Variants in NBEA observed in about 807,000 individuals in gnomAD.
The protein encoded by NBEA is lysosomal-trafficking regulator 2.
Under a neutral mutation model 343.4 loss-of-function variants are expected in NBEA, and 44 were observed. The observed-to-expected ratio is 0.13, with a 90% confidence interval of 0.10 to 0.16. The LOEUF is 0.16. Ranked by LOEUF, NBEA falls within the 10% of genes least tolerant of loss-of-function variation. The pLI, the probability that NBEA is intolerant of heterozygous loss-of-function variation, is 1.00. For synonymous variants in NBEA, 1,175 were observed against 1,238.7 expected (o/e 0.95, Z 1.08); for missense variants, 2,555 against 3,631.3 (o/e 0.70, Z 7.62).
chr13:34,945,633 T>G (rs1566077514), intron 1 of NBEA, among the ~76,000 whole-genome samples: 1 of 152,146 alleles, frequency 6.6e-6, no homozygotes, highest in Non-Finnish European at 1.5e-5. Flanking sequence ...GTGAAATACC[T>G]ATTACTGTGC....
intron 18 of NBEA, among the ~76,000 whole-genome samples, chr13:35,143,493 G>A (rs2068210464): frequency 6.6e-6 from 1 of 151,736 alleles, no homozygotes; most frequent in Non-Finnish European, 1.5e-5. Flanking sequence ...TTTTGTTATA[G>A]ATTTAGATGG....
chr13:35,195,534 G>A (rs2072523821), intron 30 of NBEA, among the ~76,000 whole-genome samples: 1 of 152,020 alleles, frequency 6.6e-6, no homozygotes, highest in South Asian at 2.1e-4. Flanking sequence ...GAGTAGCTGG[G>A]ATTAGACGTA....
chr13:34,996,095 T>A (rs1375496956), intron 1 of NBEA, among the ~76,000 whole-genome samples: 1 of 152,202 alleles, frequency 6.6e-6, no homozygotes, highest in East Asian at 1.9e-4. Context: ...AATTGGGATC[T>A]AGGCCTATGT....
intron 30 of NBEA, chr13:35,185,150 A>G (rs1368735031): frequency 6.6e-6 from 1 of 152,174 alleles, no homozygotes; most frequent in African/African-American, 2.4e-5. Flanking sequence ...CTTATTGCTT[A>G]GATGGAGGAG....
intron 48 of NBEA, among the ~76,000 whole-genome samples, chr13:35,612,763 T>C (rs2082582710): frequency 6.6e-6 from 1 of 152,142 alleles, no homozygotes; most frequent in Admixed American, 6.5e-5. Flanking sequence ...TGGTATAAGC[T>C]AAACAAGCAA....
intron 11 of NBEA, among the ~76,000 whole-genome samples, chr13:35,098,732 A>G (rs537213649): frequency 1.3e-5 from 2 of 152,230 alleles, no homozygotes; most frequent in South Asian, 4.1e-4. Flanking sequence ...CCCATGGTCA[A>G]CTGCAGTTCA....
chr13:35,050,607 ACT>A (rs1165363276), intron 6 of NBEA, among the ~76,000 whole-genome samples: 1 of 151,452 alleles, frequency 6.6e-6, no homozygotes, highest in African/African-American at 2.4e-5. Context: ...TTTCTCTTAC[ACT>A]CTCTCATTAT....
chr13:35,099,427 T>A (rs1346914988), intron 11 of NBEA, among the ~76,000 whole-genome samples: 1 of 152,142 alleles, frequency 6.6e-6, no homozygotes, highest in East Asian at 1.9e-4. Flanking sequence ...CTTGAACTCC[T>A]GGCCTCAAGT....
chr13:35,019,885 C>A (rs2061776425), intron 1 of NBEA, among the ~76,000 whole-genome samples: 1 of 152,102 alleles, frequency 6.6e-6, no homozygotes, highest in Non-Finnish European at 1.5e-5. Flanking sequence ...TATATTGGTT[C>A]TCTTTGCCTC....
intron 31 of NBEA, among the ~76,000 whole-genome samples, chr13:35,202,829 C>T (rs2073115239): frequency 2.6e-5 from 4 of 152,108 alleles, no homozygotes; most frequent in Admixed American, 2.6e-4. Context: ...AAAGCTGCTC[C>T]AACCATATTC....
In NBEA at chr13:35,159,069, A is replaced by T; in HGVS notation, c.2898A>T (p.Gln966His). 6.2e-7 allele frequency: 1 copy of T among 1,612,970 alleles called. No homozygotes were observed. Among genetic ancestry groups the T allele is most frequent in the Non-Finnish European group, 8.5e-7 (1 of 1,179,448 alleles). The change falls in exon 22 of 59, where the codon CAA becomes CAT. Residue 966 changes from glutamine (Q) to histidine (H), a missense_variant. Gln to His is a conservative substitution (Grantham distance 24). Coordinates refer to ENST00000379939, the MANE Select transcript of NBEA (RefSeq NM_001385012.1). ...TAGCCAAAATGTATGAGGAATATCA[A>T]AGACAAGAGGAGGAAAACATTAAAA... ...EYLAKMYEEY[Q>H]RQEEENIKKG... is the part of the protein sequence containing the mutation.
intron 1 of NBEA, among the ~76,000 whole-genome samples, chr13:35,030,233 T>G (rs1035079564): frequency 1.1e-4 from 16 of 151,682 alleles, no homozygotes; most frequent in Non-Finnish European, 1.9e-4. Context: ...TTTCTTATAT[T>G]TGAACCTTCA....
chr13:34,973,979 G>A (rs907962207), intron 1 of NBEA, among the ~76,000 whole-genome samples: 4 of 152,154 alleles, frequency 2.6e-5, no homozygotes, highest in Non-Finnish European at 4.4e-5. Flanking sequence ...AGCTCTTTGT[G>A]TCAGACTGAA....
chr13:35,626,964 A>G (rs940159889), intron 48 of NBEA, among the ~76,000 whole-genome samples: 2 of 152,170 alleles, frequency 1.3e-5, no homozygotes, highest in East Asian at 1.9e-4. Flanking sequence ...AAAGGAATAA[A>G]TCAGGAAAGG....
At chr13:34,960,017 A>C (rs2059610672) in intron 1 of NBEA, among the ~76,000 whole-genome samples, 1 of 152,098 alleles carries the variant, frequency 6.6e-6, no homozygotes, top group South Asian at 2.1e-4. Context: ...TAACTGTAAA[A>C]CAGCCTCAGG....
chr13:34,989,921 G>T (rs1394647630), intron 1 of NBEA, among the ~76,000 whole-genome samples: 1 of 150,938 alleles, frequency 6.6e-6, no homozygotes, highest in African/African-American at 2.4e-5. Flanking sequence ...AAACAAAGGG[G>T]TTACAGACCC....
intron 10 of NBEA, among the ~76,000 whole-genome samples, chr13:35,096,213 T>G (rs1410454533): frequency 2.2e-4 from 33 of 151,552 alleles, no homozygotes; most frequent in African/African-American, 7.7e-4. Flanking sequence ...TTTTTTTTTT[T>G]GCAAAGATGT....
intron 38 of NBEA, among the ~76,000 whole-genome samples, chr13:35,357,827 T>G (rs1260620163): frequency 6.6e-6 from 1 of 152,118 alleles, no homozygotes; most frequent in African/African-American, 2.4e-5. Context: ...TATGAAAAAT[T>G]GAAATACTGT....
intron 34 of NBEA, among the ~76,000 whole-genome samples, chr13:35,285,516 T>C (rs1024405933): frequency 1.3e-5 from 2 of 152,164 alleles, no homozygotes; most frequent in African/African-American, 4.8e-5. Context: ...TCTGCAGATT[T>C]GCTTCTTAAT....
Sources: gnomAD v4.1 joint callset for allele counts (sites outside exome capture counted in the v4.1 genomes callset) on GRCh38, gnomAD v4.1.1 for gene constraint, MANE v1.5 for transcripts, NCBI Gene and HGNC (gene_info 2026-07-23, HGNC 2026-07-21) for gene names.